TNFRSF11A: variants seen among roughly 807,000 people sequenced by gnomAD.
TNFRSF11A encodes TNF receptor superfamily member 11a.
A neutral mutation model predicts 55.7 loss-of-function variants in TNFRSF11A; 32 were observed. The observed-to-expected ratio is 0.57, with a 90% CI of 0.43 to 0.77. TNFRSF11A has a LOEUF of 0.77. Ranked by LOEUF, TNFRSF11A falls within the 30% of genes least tolerant of loss-of-function variation. TNFRSF11A has a pLI of 0.00. For missense variants in TNFRSF11A, 753 were observed against 809.8 expected, an observed-to-expected ratio of 0.93 and a Z score of 0.85; for synonymous variants, 311 against 331.0, an observed-to-expected ratio of 0.94 and a Z score of 0.65.
intron 1 of TNFRSF11A, among the ~76,000 whole-genome samples, chr18:62,331,722 C>G (rs2046157099): frequency 6.6e-6 from 1 of 152,232 alleles, no homozygotes; most frequent in Non-Finnish European, 1.5e-5. Context: ...CACCTAACCC[C>G]AAAAGAAGCA....
In TNFRSF11A at chr18:62,389,192, G is replaced by A. The variant is rs1911902234; in HGVS notation, c.*4158G>A. The A allele has an allele frequency of 6.6e-6, 1 of 152,276 alleles. No homozygotes were observed. Among genetic ancestry groups the A allele is most frequent in the Admixed American group, 6.5e-5 (1 of 15,286 alleles). The allele number at this position is 152,276 out of a possible 1,614,324, so 9.4% of individuals were successfully genotyped here. A position where few individuals can be genotyped will look rare whatever the true frequency, so the allele number is the denominator to read the frequency against. ...GATGAGGAGCGCTGGAGGGTTCGGA[G>A]CAGAGAAGACGAGACAATGCTCTGC... On this transcript the variant is annotated 3_prime_UTR_variant, in exon 10 of 10. Transcript: ENST00000586569.
chr18:62,354,926 C>T (rs1177136566), intron 4 of TNFRSF11A, among the ~76,000 whole-genome samples: 1 of 152,130 alleles, frequency 6.6e-6, no homozygotes, highest in East Asian at 1.9e-4. Context: ...CACCCCAGCA[C>T]GTTTTTAAGT....
intron 1 of TNFRSF11A, among the ~76,000 whole-genome samples, chr18:62,327,922 A>G (rs868213067): frequency 2.6e-5 from 4 of 152,232 alleles, no homozygotes; most frequent in African/African-American, 9.6e-5. Flanking sequence ...TTGAATTTTT[A>G]TGTAGCTAGT....
At chr18:62,384,003 G>A (rs1436464235) in intron 9 of TNFRSF11A, among the ~76,000 whole-genome samples, 1 of 151,862 alleles carries the variant, frequency 6.6e-6, no homozygotes, top group Non-Finnish European at 1.5e-5. Flanking sequence ...AGAGAGGAGA[G>A]CAGACTGAGG....
At chr18:62,332,566 C>T (rs575749857) in intron 1 of TNFRSF11A, among the ~76,000 whole-genome samples, 1 of 152,196 alleles carries the variant, frequency 6.6e-6, no homozygotes, top group South Asian at 2.1e-4. Context: ...TAACATGTCA[C>T]AATTTGACCC....
chr18:62,351,333 C>A (rs961458576), intron 3 of TNFRSF11A, among the ~76,000 whole-genome samples: 1 of 152,180 alleles, frequency 6.6e-6, no homozygotes, highest in African/African-American at 2.4e-5. Flanking sequence ...GTTGTTAGAT[C>A]AATTTCTTAT....
At chr18:62,348,088 G>A (rs1000904697) in intron 1 of TNFRSF11A, 80 bp from the exon 2 acceptor site, 2 of 1,030,218 alleles carry the variant, frequency 1.9e-6, no homozygotes, top group African/African-American at 1.6e-5. Flanking sequence ...AAGTAATTTG[G>A]TGATTCCCTT....
intron 9 of TNFRSF11A, among the ~76,000 whole-genome samples, chr18:62,384,046 A>AACACACACACACACACAC (rs58712892): frequency 6.9e-6 from 1 of 145,950 alleles, no homozygotes. Flanking sequence ...TTCTGTGTTG[A>AACACACACACACACACAC]ACACACACAC....
Position 62,343,321 on chromosome 18 carries a change from A to G in TNFRSF11A, c.76-4847A>G, listed in dbSNP as rs1600366963. On this transcript the variant is annotated intron_variant, in intron 1 of 9. Coordinates refer to ENST00000586569, the MANE Select transcript of TNFRSF11A (RefSeq NM_003839.4). ...CAAGAGGGGCCAAGCCTCTTTCTAC[A>G]TCGTTCGATGTCAGCATGAATTTTC... is the stretch of plus-strand genomic sequence containing the variant. Among the ~76,000 whole-genome samples, 7 of 152,250 alleles carry G rather than the reference A, an allele frequency of 4.6e-5. 2 individuals are homozygous for G. The highest frequency in any genetic ancestry group is 4.6e-4 in the Admixed American group (7 of 15,288).
At chr18:62,377,108 G>A (rs1042944363) in intron 9 of TNFRSF11A, among the ~76,000 whole-genome samples, 2 of 152,080 alleles carry the variant, frequency 1.3e-5, no homozygotes, top group African/African-American at 2.4e-5. Flanking sequence ...GTAGAGACGG[G>A]GTTTCACTGT....
chr18:62,367,776 T>TTTC (rs1243769469), intron 8 of TNFRSF11A, among the ~76,000 whole-genome samples: 9 of 139,426 alleles, frequency 6.5e-5, no homozygotes, highest in Non-Finnish European at 9.2e-5. Context: ...CTTTCTTTCT[T>TTTC]TTCTTCTTCT....
At chr18:62,353,516 T>C (rs1324222753) in intron 3 of TNFRSF11A, among the ~76,000 whole-genome samples, 1 of 152,192 alleles carries the variant, frequency 6.6e-6, no homozygotes, top group Non-Finnish European at 1.5e-5. Flanking sequence ...GCCAGAAACC[T>C]GAGTGTGGAG....
At chr18:62,347,530 G>A (rs1299235350) in intron 1 of TNFRSF11A, among the ~76,000 whole-genome samples, 1 of 152,196 alleles carries the variant, frequency 6.6e-6, no homozygotes, top group African/African-American at 2.4e-5. Context: ...CAGTCCTTCA[G>A]GCAACAGGTA....
In TNFRSF11A at chr18:62,368,941, C is replaced by T; in HGVS notation, c.1024C>T (p.Gln342Ter). Reference protein sequence around the residue: ...KTEIEEDSFRQMPTEDEYMDR... With the variant: ...KTEIEEDSFR ...CGAGATAGAGGAAGACAGCTTCAGA[C>T]AGATGCCCACAGAAGATGAATACAT... is the stretch of plus-strand genomic sequence containing the variant. The change falls in exon 9 of 10, where the codon CAG becomes TAG. Residue 342 changes from glutamine to a stop codon, truncating the protein, a stop_gained. Transcript: ENST00000586569. LOFTEE classifies it high-confidence loss of function. The T allele has an allele frequency of 6.2e-7, 1 of 1,614,278 alleles. No individual in the cohort carries two copies. The highest frequency in any genetic ancestry group is 8.5e-7 in the Non-Finnish European group (1 of 1,180,056).
In TNFRSF11A at chr18:62,369,016, G is replaced by A. The variant is rs1464779099; in HGVS notation, c.1099G>A (p.Gly367Arg). The change falls in exon 9 of 10, where the codon GGA (glycine) becomes AGA (arginine). Residue 367 changes from glycine (G) to arginine (R), a missense_variant. Coordinates refer to ENST00000586569, the MANE Select transcript of TNFRSF11A (RefSeq NM_003839.4). ...CCAGTTACTGTTCCTCACTGAGCCT[G>A]GAAGCAAATCCACACCTCCTTTCTC... is the stretch of plus-strand genomic sequence containing the variant. ...TDQLLFLTEP[G>R]SKSTPPFSEP... The A allele has an allele frequency of 3.1e-6, 5 of 1,614,124 alleles. No homozygotes were observed. Among genetic ancestry groups the A allele is most frequent in the Non-Finnish European group, 4.2e-6 (5 of 1,180,052 alleles).
intron 1 of TNFRSF11A, among the ~76,000 whole-genome samples, chr18:62,341,901 T>G (rs2046316591): frequency 8.1e-6 from 1 of 123,846 alleles, no homozygotes. Flanking sequence ...ATTAAAGAAA[T>G]ATCAGGCATT....
intron 1 of TNFRSF11A, among the ~76,000 whole-genome samples, chr18:62,339,271 G>T (rs368368010): frequency 1.3e-5 from 2 of 152,154 alleles, no homozygotes; most frequent in African/African-American, 4.8e-5. Context: ...GCCTGCACCT[G>T]CCCGAGTCTC....
At chr18:62,339,213 T>C (rs2046277220) in intron 1 of TNFRSF11A, among the ~76,000 whole-genome samples, 1 of 152,142 alleles carries the variant, frequency 6.6e-6, no homozygotes, top group Non-Finnish European at 1.5e-5. Context: ...AGCCCCCACC[T>C]TTTCCTTCTA....
chr18:62,354,919 C>G (rs1432799863), intron 4 of TNFRSF11A, among the ~76,000 whole-genome samples: 1 of 152,110 alleles, frequency 6.6e-6, no homozygotes, highest in Non-Finnish European at 1.5e-5. Flanking sequence ...CATCCCCCAC[C>G]CCAGCACGTT....
Sources: gnomAD v4.1 joint callset for allele counts (sites outside exome capture counted in the v4.1 genomes callset) on GRCh38, gnomAD v4.1.1 for gene constraint, MANE v1.5 for transcripts, NCBI Gene and HGNC (gene_info 2026-07-23, HGNC 2026-07-21) for gene names.